DRAXIN: variants seen among roughly 807,000 people sequenced by gnomAD.
DRAXIN encodes dorsal repulsive axon guidance protein.
DRAXIN carries 27 observed loss-of-function variants against 33.9 expected under a neutral mutation model. The ratio of observed to expected loss-of-function variants is 0.80; its 90% CI spans 0.59 to 1.10. The LOEUF is 1.10. Ranked by LOEUF, DRAXIN falls within the 50% of genes least tolerant of loss-of-function variation. The pLI is 0.00. For missense variants in DRAXIN, 371 were observed against 460.8 expected (o/e 0.81, Z 1.78); for synonymous variants, 178 against 194.0 (o/e 0.92, Z 0.69).
intron 6 of DRAXIN, 139 bp from the exon 7 acceptor site, chr1:11,719,445 G>T: frequency 1.4e-6 from 1 of 697,810 alleles, no homozygotes; most frequent in South Asian, 1.8e-5. Flanking sequence ...AAGCTCATTG[G>T]GGCTGCCGTG....
At chr1:11,707,248 A>G (rs1641398786) in intron 2 of DRAXIN, among the ~76,000 whole-genome samples, 1 of 152,218 alleles carries the variant, frequency 6.6e-6, no homozygotes, top group Non-Finnish European at 1.5e-5. Context: ...ATCCTCCTGA[A>G]TCAGGAAGTT....
chr1:11,715,724 C>T (rs760841733), intron 6 of DRAXIN, among the ~76,000 whole-genome samples: 1 of 152,178 alleles, frequency 6.6e-6, no homozygotes, highest in Non-Finnish European at 1.5e-5. Context: ...GTGCTGGGCT[C>T]TGTGCTGAGC....
At position 11,692,275 on chromosome 1, in the gene DRAXIN, G is replaced by A. The variant is rs1641086265; in HGVS notation, c.-11+422G>A. On this transcript the variant is annotated intron_variant, in intron 1 of 6. Transcript: ENST00000294485. This position sits in a 1 kb window ranked among gnomAD's most constrained non-coding sequence, Gnocchi z 5.8. ...TCTCCGGGTGGTCTCTCAGGCAGGG[G>A]GCCCCAGTCCGCCACCGTTGGAAGA... Among the ~76,000 whole-genome samples, 1 of 152,154 alleles carries A rather than the reference G, an allele frequency of 6.6e-6. No individual in the cohort carries two copies. Among genetic ancestry groups the A allele is most frequent in the Non-Finnish European group, 1.5e-5 (1 of 68,022 alleles).
chr1:11,693,202 A>G (rs928843514), intron 1 of DRAXIN, among the ~76,000 whole-genome samples: 3 of 151,738 alleles, frequency 2.0e-5, no homozygotes, highest in African/African-American at 7.3e-5. Context: ...ATCAGGGCCA[A>G]TGGGTCACTT....
Position 11,715,166 on chromosome 1 carries a change from G to C in DRAXIN, c.895G>C (p.Gly299Arg), listed in dbSNP as rs149027837. 133 of 1,614,136 alleles carry C rather than the reference G, an allele frequency of 8.2e-5. No homozygotes were observed. The highest frequency in any genetic ancestry group is 1.1e-4 in the Non-Finnish European group (130 of 1,180,058). Residue 299 changes from glycine (G) to arginine (R), a missense_variant, in exon 6 of 7, where the codon GGC becomes CGC. Physicochemically the swap from Gly to Arg is moderately radical, Grantham distance 125 (BLOSUM62 -2). Transcript: ENST00000294485. ...GCATCTCTGCACACCCCACAACCGAGGCCTCAACAACAAATGCTTCGATGA... is the reference window on the plus strand; with the variant it reads ...GCATCTCTGCACACCCCACAACCGACGCCTCAACAACAAATGCTTCGATGA... ...REHLCTPHNR[G>R]LNNKCFDDCM... is the part of the protein sequence containing the mutation.
intron 3 of DRAXIN, among the ~76,000 whole-genome samples, chr1:11,710,750 T>TA (rs1481822975): frequency 3.4e-5 from 3 of 88,394 alleles, no homozygotes; most frequent in Admixed American, 1.2e-4. Flanking sequence ...CCATCTCTAC[T>TA]AAAAATACAA....
upstream of DRAXIN, among the ~76,000 whole-genome samples, chr1:11,688,638 C>T (rs1252861535): frequency 1.3e-5 from 2 of 152,100 alleles, no homozygotes; most frequent in African/African-American, 2.4e-5. This position sits in a 1 kb window ranked among gnomAD's most constrained non-coding sequence, Gnocchi z 4.6. Flanking sequence ...GCTCATGGTC[C>T]CTCTAAAAAG....
chr1:11,689,899 G>C (rs1189130603), upstream of DRAXIN, among the ~76,000 whole-genome samples: 2 of 151,812 alleles, frequency 1.3e-5, no homozygotes, highest in Admixed American at 1.3e-4. Flanking sequence ...CTCTGTTCCA[G>C]ACTGACTCTT....
At chr1:11,703,859 C>T (rs989546251) in intron 1 of DRAXIN, among the ~76,000 whole-genome samples, 1 of 151,914 alleles carries the variant, frequency 6.6e-6, no homozygotes, top group Non-Finnish European at 1.5e-5. Context: ...CAAGTAGGGT[C>T]GTGGCAACGG....
chr1:11,706,765 G>A lies in DRAXIN; in HGVS notation c.451+56G>A, dbSNP rs1453332417. 1 of 1,469,254 alleles carries A rather than the reference G, an allele frequency of 6.8e-7. No homozygotes were observed. Among genetic ancestry groups the A allele is most frequent in the Non-Finnish European group, 9.0e-7 (1 of 1,108,766 alleles). The allele number at this position is 1,469,254 out of a possible 1,614,324, so 91.0% of individuals were successfully genotyped here. A position where few individuals can be genotyped will look rare whatever the true frequency, so the allele number is the denominator to read the frequency against. On this transcript the variant is annotated intron_variant, in intron 2 of 6. Coordinates refer to ENST00000294485, the MANE Select transcript of DRAXIN (RefSeq NM_198545.4). The surrounding 1 kb of genome is among the most constrained non-coding windows in gnomAD (Gnocchi z 5.5). ...GGGGTGATTCCTGCCATGGACTGAG[G>A]GGAGCAGGAGAGGATGCAGGCAAGG...
chr1:11,687,464 T>C (rs1640979580), upstream of DRAXIN, among the ~76,000 whole-genome samples: 1 of 152,192 alleles, frequency 6.6e-6, no homozygotes, highest in South Asian at 2.1e-4. The surrounding 1 kb of genome is among the most constrained non-coding windows in gnomAD (Gnocchi z 4.1). Context: ...GGTCTCGAAC[T>C]CCTGACCTCA....
upstream of DRAXIN, among the ~76,000 whole-genome samples, chr1:11,687,353 C>T (rs954272409): frequency 3.9e-5 from 6 of 152,220 alleles, no homozygotes; most frequent in Admixed American, 3.9e-4. This position sits in a 1 kb window ranked among gnomAD's most constrained non-coding sequence, Gnocchi z 4.1. Flanking sequence ...GATTCTCCTG[C>T]CTCAGCCTCC....
At chr1:11,697,236 G>A (rs1641208105) in intron 1 of DRAXIN, among the ~76,000 whole-genome samples, 1 of 152,150 alleles carries the variant, frequency 6.6e-6, no homozygotes, top group African/African-American at 2.4e-5. Context: ...GGAATCGGTA[G>A]TAGTGATGTC....
intron 3 of DRAXIN, among the ~76,000 whole-genome samples, chr1:11,710,608 C>T (rs987920109): frequency 6.6e-6 from 1 of 152,076 alleles, no homozygotes; most frequent in African/African-American, 2.4e-5. Context: ...TCTTGCACCT[C>T]TTCTGTGGCT....
intron 2 of DRAXIN, among the ~76,000 whole-genome samples, chr1:11,707,473 C>T (rs2100737840): frequency 6.6e-6 from 1 of 152,326 alleles, no homozygotes; most frequent in Non-Finnish European, 1.5e-5. Context: ...TCGGTTTTCC[C>T]CTCTGTAAAG....
intron 2 of DRAXIN, among the ~76,000 whole-genome samples, chr1:11,708,192 G>A (rs1398589868): frequency 6.6e-6 from 1 of 152,244 alleles, no homozygotes; most frequent in African/African-American, 2.4e-5. Context: ...CCGTCCTGCT[G>A]GGCTCCGGCT....
In DRAXIN at chr1:11,720,032, T is replaced by TG. The variant is rs1335386839; in HGVS notation, c.*338dup. ...CAAAACCAAGAGGCGTTTTTGAGAG[T>TG]GGAAAAGAAATTTAAACTTCCCGAA... On this transcript the variant is annotated 3_prime_UTR_variant, in exon 7 of 7. Transcript: ENST00000294485. The TG allele has an allele frequency of 3.6e-6, 1 of 275,294 alleles. No individual in the cohort carries two copies. Among genetic ancestry groups the TG allele is most frequent in the African/African-American group, 2.1e-5 (1 of 47,098 alleles). 17.1% of individuals were successfully genotyped at this position (275,294 alleles called of 1,614,324 possible). A position where few individuals can be genotyped will look rare whatever the true frequency, so the allele number is the denominator to read the frequency against.
chr1:11,714,991 A>G (rs2100742766), intron 5 of DRAXIN, 128 bp from the exon 6 acceptor site: 1 of 1,059,596 alleles, frequency 9.4e-7, no homozygotes, highest in South Asian at 1.4e-5. Flanking sequence ...TGCACACCAG[A>G]TGGCCCACCC....
intron 1 of DRAXIN, among the ~76,000 whole-genome samples, chr1:11,699,756 G>A (rs184355254): frequency 3.2e-4 from 49 of 151,818 alleles, no homozygotes; most frequent in African/African-American, 1.1e-3. Context: ...GTGAAACCCC[G>A]TCTCTACTAA....
Sources: gnomAD v4.1 joint callset for allele counts (sites outside exome capture counted in the v4.1 genomes callset) on GRCh38, gnomAD v4.1.1 for gene constraint, Gnocchi (gnomAD v3.1) non-coding constraint, MANE v1.5 for transcripts, NCBI Gene and HGNC (gene_info 2026-07-23, HGNC 2026-07-21) for gene names.